Variants in TNK2 observed in about 807,000 individuals in gnomAD.
TNK2 encodes the protein activated CDC42 kinase 1.
Under a neutral mutation model 101.8 loss-of-function variants are expected in TNK2, and 83 were observed. That is an observed-to-expected ratio of 0.82 (90% CI 0.68 to 0.98). TNK2 has a LOEUF of 0.98. TNK2 is among the 50% of genes least tolerant of loss of function. The pLI, the probability that TNK2 is intolerant of heterozygous loss-of-function variation, is 0.00. For synonymous variants in TNK2, 804 were observed against 633.0 expected (o/e 1.27, Z -4.06); for missense variants, 1,665 against 1,483.2 (o/e 1.12, Z -2.01).
At chr3:195,872,012 C>T (rs1745770994) in intron 10 of TNK2, among the ~76,000 whole-genome samples, 1 of 133,050 alleles carries the variant, frequency 7.5e-6, no homozygotes, top group Admixed American at 7.2e-5. Context: ...AGAACATTCC[C>T]CTGGAGAACC....
chr3:195,887,073 G>A, intron 2 of TNK2, 26 bp from the exon 3 acceptor site: 1 of 1,584,930 alleles, frequency 6.3e-7, no homozygotes. Context: ...GGAACCGCGT[G>A]CTGTGAAGGC....
chr3:195,892,660 G>A, intron 1 of TNK2: 1 of 1,396,052 alleles, frequency 7.2e-7, no homozygotes, highest in Non-Finnish European at 9.2e-7. Context: ...TCCACAGCTG[G>A]CCGGTCTGGC....
At chr3:195,892,525 G>A in intron 1 of TNK2, 1 of 1,532,108 alleles carries the variant, frequency 6.5e-7, no homozygotes, top group Non-Finnish European at 8.7e-7. Context: ...AGTCACTGGG[G>A]ATCCAGTGGC....
chr3:195,867,945 G>A lies in TNK2; in HGVS notation c.2353C>T (p.Pro785Ser). The change falls in exon 13 of 16, where the codon CCT (proline) becomes TCT (serine). Residue 785 changes from proline (P) to serine (S), a missense_variant. Coordinates refer to ENST00000672887, the MANE Select transcript of TNK2 (RefSeq NM_001382273.1). Reference sequence around the variant, plus strand: ...ACCCGGGGAGGGGAAGCAGGTCCAGGCCACTGGCTGGTCTCCTCCTCGCCC... The same window carrying A: ...ACCCGGGGAGGGGAAGCAGGTCCAGACCACTGGCTGGTCTCCTCCTCGCCC... ...PPGEEETSQW[P>S]GPASPPRVPP... 1 of 1,543,118 alleles carries A rather than the reference G, an allele frequency of 6.5e-7. No individual in the cohort carries two copies. Among genetic ancestry groups the A allele is most frequent in the Non-Finnish European group, 8.6e-7 (1 of 1,156,714 alleles).
rs13068361 is a variant in TNK2 at position 195,871,948 on chromosome 3, T to C, written c.1451+328A>G. ...CTGGAGAACCCTCCCCTGGAGAACA[T>C]TCCCCTGGAGAACCCTCCCCTGGAG... On this transcript the variant is annotated intron_variant, in intron 10 of 15. Coordinates refer to ENST00000672887, the MANE Select transcript of TNK2 (RefSeq NM_001382273.1). Among the ~76,000 whole-genome samples, 52 of 74,308 alleles carry C rather than the reference T, an allele frequency of 7.0e-4. 1 individual carries two copies. Among genetic ancestry groups the C allele is most frequent in the African/African-American group, 1.4e-3 (26 of 18,918 alleles). The allele number at this position is 74,308 out of a possible 152,430, so 48.7% of individuals were successfully genotyped here.
chr3:195,867,360 C>A lies in TNK2; in HGVS notation c.2937+1G>T. ...CGCCCACAGCCAGGCTGGGTGCTCACCATCTGGATCTTGTCTGCTGGCCGG... is the reference window on the plus strand; with the variant it reads ...CGCCCACAGCCAGGCTGGGTGCTCAACATCTGGATCTTGTCTGCTGGCCGG... On this transcript the variant is annotated splice_donor_variant, in intron 13 of 15. Coordinates refer to ENST00000672887, the MANE Select transcript of TNK2 (RefSeq NM_001382273.1). LOFTEE classifies it high-confidence loss of function. The A allele has an allele frequency of 6.2e-7, 1 of 1,607,798 alleles. No individual in the cohort carries two copies. Among genetic ancestry groups the A allele is most frequent in the Non-Finnish European group, 8.5e-7 (1 of 1,177,900 alleles).
chr3:195,873,687 G>A (rs572803587), intron 9 of TNK2, among the ~76,000 whole-genome samples: 12 of 152,324 alleles, frequency 7.9e-5, no homozygotes, highest in Middle Eastern at 3.4e-3. Context: ...GAGAGAGGAC[G>A]GAGGAGGTGG....
intron 1 of TNK2, among the ~76,000 whole-genome samples, chr3:195,890,858 C>T (rs1342224599): frequency 6.6e-6 from 1 of 152,152 alleles, no homozygotes; most frequent in Admixed American, 6.5e-5. Context: ...AAGGCAACCC[C>T]CTCTCATTAT....
chr3:195,893,989 C>A lies in TNK2; in HGVS notation c.-18-5383G>T, dbSNP rs548344468. Among the ~76,000 whole-genome samples, 449 of 152,356 alleles carry A rather than the reference C, an allele frequency of 2.9e-3. 1 individual carries two copies. The highest frequency in any genetic ancestry group is 9.7e-3 in the African/African-American group (403 of 41,568). Reference sequence around the variant, plus strand: ...TCAGTCCCTCTTCCTCATCCCCCTGCCATCCAGCCCACAAAGCTTGTGGAG... The same window carrying A: ...TCAGTCCCTCTTCCTCATCCCCCTGACATCCAGCCCACAAAGCTTGTGGAG... On this transcript the variant is annotated intron_variant, in intron 1 of 15. Transcript: ENST00000672887.
chr3:195,897,561 G>A (rs1223839597), intron 1 of TNK2, among the ~76,000 whole-genome samples: 1 of 152,184 alleles, frequency 6.6e-6, no homozygotes, highest in African/African-American at 2.4e-5. Context: ...GAGTGCAGTG[G>A]TGCGATCTTG....
At chr3:195,869,454 G>A (rs1256699662) in intron 12 of TNK2, 43 bp downstream of exon 12, 5 of 1,540,322 alleles carry the variant, frequency 3.2e-6, no homozygotes, top group African/African-American at 2.7e-5. Context: ...GAGAGAGAGG[G>A]GGCGGGGGCG....
intron 12 of TNK2, 55 bp from the exon 13 acceptor site, chr3:195,868,764 C>T (rs367702208): frequency 3.5e-5 from 52 of 1,479,422 alleles, no homozygotes; most frequent in South Asian, 2.3e-4. Flanking sequence ...GTCTGGGACA[C>T]GAGGGGAGGT....
Position 195,884,993 on chromosome 3 carries a change from TGAG to T in TNK2, c.272_274del (p.Pro91del), listed in dbSNP as rs1301593668. The T allele has an allele frequency of 6.2e-7, 1 of 1,612,284 alleles. No individual in the cohort carries two copies. The highest frequency in any genetic ancestry group is 8.5e-7 in the Non-Finnish European group (1 of 1,178,988). On this transcript the variant is annotated inframe_deletion, in exon 4 of 16. Coordinates refer to ENST00000672887, the MANE Select transcript of TNK2 (RefSeq NM_001382273.1). ...CTTCCGGAAGGTGCTCTGAGAGTGA[TGAG>T]GTGGGAACTCAGCCTCCAGTCGCTT... is the stretch of plus-strand genomic sequence containing the variant.
chr3:195,883,038 T>G, intron 5 of TNK2, 119 bp downstream of exon 5: 5 of 1,266,846 alleles, frequency 3.9e-6, no homozygotes, highest in Non-Finnish European at 5.5e-6. Context: ...CTCCATCAGG[T>G]TGGGGGACCA....
At position 195,888,596 on chromosome 3, in the gene TNK2, C is replaced by T. The variant is rs373887116; in HGVS notation, c.-8G>A. The stretch of plus-strand genomic sequence containing the variant: ...GCCCTCCTCTGGCTGCATTCTGCCG[C>T]CTCCCAGCCTCTGTGGGGGGAGGAG... On this transcript the variant is annotated 5_prime_UTR_variant, in exon 2 of 16. Transcript: ENST00000672887. This position sits in a 1 kb window ranked among gnomAD's most constrained non-coding sequence, Gnocchi z 5.3. 1.9e-6 allele frequency: 3 copies of T among 1,608,660 alleles called. No homozygotes were observed. The highest frequency in any genetic ancestry group is 2.2e-4 in the Middle Eastern group (1 of 4,500).
intron 1 of TNK2, among the ~76,000 whole-genome samples, chr3:195,903,596 A>G (rs1381103445): frequency 6.6e-6 from 1 of 152,052 alleles, no homozygotes; most frequent in Admixed American, 6.5e-5. Flanking sequence ...GGGTGCCTGT[A>G]ATCCCAGCTG....
intron 1 of TNK2, among the ~76,000 whole-genome samples, chr3:195,896,934 G>A (rs1760627408): frequency 6.6e-6 from 1 of 152,184 alleles, no homozygotes; most frequent in Admixed American, 6.5e-5. Flanking sequence ...AGACATGACA[G>A]GCAATTTCCG....
intron 1 of TNK2, chr3:195,892,900 A>AG (rs981685408): frequency 6.5e-6 from 2 of 305,928 alleles, no homozygotes; most frequent in Non-Finnish European, 9.7e-6. Flanking sequence ...CACTGCCAAG[A>AG]GGGCGGCAGG....
At chr3:195,866,822 CAG>C (rs1741189969) in intron 15 of TNK2, 65 bp downstream of exon 15, 2 of 1,563,966 alleles carry the variant, frequency 1.3e-6, no homozygotes, top group Non-Finnish European at 1.7e-6. Flanking sequence ...GGCTTCCTCC[CAG>C]TGTGGCAGGC....
Sources: allele counts gnomAD v4.1 joint callset (sites outside exome capture counted in the v4.1 genomes callset), GRCh38; gene constraint gnomAD v4.1.1; non-coding constraint Gnocchi (gnomAD v3.1); transcripts MANE v1.5; gene names NCBI Gene and HGNC (gene_info 2026-07-23, HGNC 2026-07-21).